Variants in KHDRBS2 observed in about 807,000 individuals in gnomAD.
KHDRBS2 encodes the protein KH RNA binding domain containing, signal transduction associated 2.
Under a neutral mutation model 44.3 loss-of-function variants are expected in KHDRBS2, and 26 were observed. The ratio of observed to expected loss-of-function variants is 0.59; its 90% CI spans 0.43 to 0.81. The LOEUF (loss-of-function observed/expected upper bound fraction) is 0.81. KHDRBS2 is among the 40% of genes least tolerant of loss of function. The pLI, the probability that KHDRBS2 is intolerant of heterozygous loss-of-function variation, is 0.00. For synonymous variants in KHDRBS2, 194 were observed against 151.1 expected (o/e 1.28, Z -2.08); for missense variants, 476 against 433.1 (o/e 1.10, Z -0.88).
intron 6 of KHDRBS2, among the ~76,000 whole-genome samples, chr6:61,776,354 A>C (rs1204859342): frequency 9.2e-5 from 14 of 152,192 alleles, no homozygotes; most frequent in Non-Finnish European, 1.9e-4. Flanking sequence ...GTGAACAGGC[A>C]ACCTACAAAA....
intron 3 of KHDRBS2, among the ~76,000 whole-genome samples, chr6:62,008,705 A>G (rs1297945051): frequency 6.6e-6 from 1 of 152,114 alleles, no homozygotes; most frequent in African/African-American, 2.4e-5. Flanking sequence ...GGTCTTTCCC[A>G]TGCTGTTCTC....
At chr6:62,078,967 A>G (rs567247317) in intron 2 of KHDRBS2, among the ~76,000 whole-genome samples, 2 of 152,106 alleles carry the variant, frequency 1.3e-5, no homozygotes, top group Admixed American at 6.6e-5. Flanking sequence ...CATAATACCT[A>G]ACTTCTCCAA....
At chr6:62,079,892 CA>C (rs1198463921) in intron 2 of KHDRBS2, among the ~76,000 whole-genome samples, 1 of 151,934 alleles carries the variant, frequency 6.6e-6, no homozygotes, top group Non-Finnish European at 1.5e-5. Flanking sequence ...TACAATATAA[CA>C]GTTTAAAAAT....
the KHDRBS2 span, among the ~76,000 whole-genome samples, chr6:61,671,170 C>G: frequency 6.6e-5 from 10 of 151,520 alleles, no homozygotes; most frequent in African/African-American, 2.2e-4. Flanking sequence ...AACAGTAGAA[C>G]GTTTTTCTAC....
chr6:61,557,541 T>A, the KHDRBS2 span, among the ~76,000 whole-genome samples: 1 of 152,234 alleles, frequency 6.6e-6, no homozygotes, highest in Non-Finnish European at 1.5e-5. Flanking sequence ...GCTAGTATTT[T>A]GTTGAAAATT....
intron 6 of KHDRBS2, among the ~76,000 whole-genome samples, chr6:61,852,183 C>A (rs1795526079): frequency 6.6e-6 from 1 of 151,918 alleles, no homozygotes; most frequent in African/African-American, 2.4e-5. Flanking sequence ...GATCATGCCA[C>A]TGTACTCCAG....
At chr6:61,561,258 G>A in the KHDRBS2 span, among the ~76,000 whole-genome samples, 1 of 151,980 alleles carries the variant, frequency 6.6e-6, no homozygotes, top group Non-Finnish European at 1.5e-5. Flanking sequence ...TGAAACTTAG[G>A]GAGGAATGCC....
At chr6:61,750,999 T>C (rs1189072320) in intron 6 of KHDRBS2, among the ~76,000 whole-genome samples, 2 of 152,096 alleles carry the variant, frequency 1.3e-5, no homozygotes, top group Non-Finnish European at 2.9e-5. Context: ...TTTATATTAC[T>C]TTATGTCATA....
chr6:61,795,113 T>C (rs377755305), intron 6 of KHDRBS2, among the ~76,000 whole-genome samples: 3 of 119,832 alleles, frequency 2.5e-5, no homozygotes, highest in African/African-American at 1.0e-4. Flanking sequence ...CACTCCAGCC[T>C]GGCGACTGGC....
intron 6 of KHDRBS2, among the ~76,000 whole-genome samples, chr6:61,814,526 G>GA (rs59476587): frequency 0.64 from 96,719 of 151,894 alleles, 31,567 homozygotes; most frequent in African/African-American, 0.79. Flanking sequence ...TGAATCGCTT[G>GA]ACCAGGGAGT....
chr6:61,713,480 A>G (rs1272170760), intron 7 of KHDRBS2, among the ~76,000 whole-genome samples: 1 of 151,630 alleles, frequency 6.6e-6, no homozygotes, highest in African/African-American at 2.4e-5. Flanking sequence ...GATCACAAAG[A>G]TCTATCTTTT....
chr6:62,212,187 A>T (rs1829172051), intron 1 of KHDRBS2, among the ~76,000 whole-genome samples: 1 of 152,166 alleles, frequency 6.6e-6, no homozygotes, highest in South Asian at 2.1e-4. Flanking sequence ...TAGAACTTTC[A>T]TCTCCTATAT....
chr6:61,747,514 G>A (rs1253824738), intron 6 of KHDRBS2, among the ~76,000 whole-genome samples: 1 of 152,098 alleles, frequency 6.6e-6, no homozygotes, highest in Admixed American at 6.5e-5. Context: ...TAAATGTAAA[G>A]CAATTTTTAC....
At chr6:62,073,630 T>A (rs1452234799) in intron 2 of KHDRBS2, among the ~76,000 whole-genome samples, 1 of 151,382 alleles carries the variant, frequency 6.6e-6, no homozygotes, top group East Asian at 2.0e-4. Context: ...TCGAGTTTAT[T>A]AAGGTGGAAG....
At chr6:61,804,839 T>C (rs991721833) in intron 6 of KHDRBS2, among the ~76,000 whole-genome samples, 1 of 152,142 alleles carries the variant, frequency 6.6e-6, no homozygotes, top group African/African-American at 2.4e-5. Context: ...AACCATTTGT[T>C]TCGTCTTAGG....
intron 4 of KHDRBS2, among the ~76,000 whole-genome samples, chr6:61,966,504 C>A (rs1354756135): frequency 6.6e-6 from 1 of 151,942 alleles, no homozygotes; most frequent in Non-Finnish European, 1.5e-5. Flanking sequence ...TTTGCATGTG[C>A]ATTTTTCTGG....
intron 1 of KHDRBS2, among the ~76,000 whole-genome samples, chr6:62,234,271 G>A (rs556640217): frequency 1.7e-4 from 26 of 152,220 alleles, no homozygotes; most frequent in Middle Eastern, 3.4e-3. Context: ...TAGTTAGGGT[G>A]ACTTTGGAAA....
chr6:61,596,728 T>G, the KHDRBS2 span, among the ~76,000 whole-genome samples: 1 of 152,160 alleles, frequency 6.6e-6, no homozygotes, highest in Admixed American at 6.6e-5. Context: ...TTCGGCTCAC[T>G]GCAAATTCTA....
intron 3 of KHDRBS2, among the ~76,000 whole-genome samples, chr6:62,017,327 T>G (rs1437587873): frequency 5.9e-5 from 9 of 152,132 alleles, no homozygotes; most frequent in African/African-American, 2.2e-4. Flanking sequence ...GATAAAATCC[T>G]ATAAGAGGAG....
Sources: allele counts gnomAD v4.1 joint callset (sites outside exome capture counted in the v4.1 genomes callset), GRCh38; gene constraint gnomAD v4.1.1; transcripts MANE v1.5; gene names NCBI Gene and HGNC (gene_info 2026-07-23, HGNC 2026-07-21).